Variants in NEK1 observed in about 807,000 individuals in gnomAD.
The protein encoded by NEK1 is serine/threonine-protein kinase Nek1.
A neutral mutation model predicts 182.1 loss-of-function variants in NEK1; 137 were observed. That is an observed-to-expected ratio of 0.75 (90% CI 0.65 to 0.87). NEK1 has a LOEUF of 0.87. Ranked by LOEUF, NEK1 falls within the 40% of genes least tolerant of loss-of-function variation. NEK1 has a pLI of 0.00. For missense variants in NEK1, 1,391 were observed against 1,494.4 expected, an observed-to-expected ratio of 0.93 and a Z score of 1.14; for synonymous variants, 513 against 492.2, an observed-to-expected ratio of 1.04 and a Z score of -0.56.
At chr4:169,529,511 G>A (rs1252300813) in intron 19 of NEK1, among the ~76,000 whole-genome samples, 1 of 152,124 alleles carries the variant, frequency 6.6e-6, no homozygotes, top group Non-Finnish European at 1.5e-5. Flanking sequence ...CTTCATGATT[G>A]TTGGATAAGC....
intron 12 of NEK1, among the ~76,000 whole-genome samples, chr4:169,572,442 T>C (rs1037765403): frequency 6.6e-6 from 1 of 152,156 alleles, no homozygotes; most frequent in Non-Finnish European, 1.5e-5. Context: ...TTTTTATATA[T>C]GGTAATTTTG....
chr4:169,577,189 T>C (rs906649193), intron 11 of NEK1, 110 bp from the exon 12 acceptor site: 97 of 1,032,684 alleles, frequency 9.4e-5, no homozygotes, highest in Non-Finnish European at 1.2e-4. Flanking sequence ...TGATAGTATT[T>C]TAAACTTTCT....
intron 32 of NEK1, among the ~76,000 whole-genome samples, chr4:169,403,944 A>G (rs562525678): frequency 6.6e-6 from 1 of 152,352 alleles, no homozygotes; most frequent in South Asian, 2.1e-4. Context: ...GAAATAACGT[A>G]CTTTAAAAAC....
At chr4:169,487,364 T>C (rs1421462273) in intron 23 of NEK1, among the ~76,000 whole-genome samples, 1 of 152,154 alleles carries the variant, frequency 6.6e-6, no homozygotes, top group African/African-American at 2.4e-5. Context: ...ACCAATGTGT[T>C]CATGTATTCT....
intron 26 of NEK1, among the ~76,000 whole-genome samples, chr4:169,469,805 T>A (rs1249238195): frequency 6.6e-6 from 1 of 152,174 alleles, no homozygotes; most frequent in African/African-American, 2.4e-5. Flanking sequence ...GGTGCTCTTG[T>A]ATTGGGTGCA....
At chr4:169,566,296 T>A (rs1763665639) in intron 12 of NEK1, among the ~76,000 whole-genome samples, 1 of 152,182 alleles carries the variant, frequency 6.6e-6, no homozygotes, top group Admixed American at 6.5e-5. Context: ...TCATATTGCC[T>A]TACATATAAG....
intron 28 of NEK1, among the ~76,000 whole-genome samples, chr4:169,434,647 A>G (rs1561181207): frequency 6.6e-6 from 1 of 152,166 alleles, no homozygotes; most frequent in Non-Finnish European, 1.5e-5. Context: ...TCCAATTAAG[A>G]TTATCAATAA....
chr4:169,529,201 C>T (rs987105538), intron 19 of NEK1, among the ~76,000 whole-genome samples: 1 of 152,014 alleles, frequency 6.6e-6, no homozygotes, highest in African/African-American at 2.4e-5. Context: ...TAAGTTGCTA[C>T]CTCAAAAAAC....
rs200006056 is a variant in NEK1, at chr4:169,472,166, C to CAA, written c.2434+4956_2434+4957dup. Reference sequence around the variant, plus strand: ...CCAGGTGCCACTGAGGTACAAAAAACAAAAAAAACAAAAAAAAACAAAAAA... The same window carrying CAA: ...CCAGGTGCCACTGAGGTACAAAAAACAAAAAAAAAACAAAAAAAAACAAAAAA... On this transcript the variant is annotated intron_variant, in intron 26 of 35. Transcript: ENST00000507142. 7.3e-5 allele frequency among the ~76,000 whole-genome samples: 11 copies of CAA among 150,220 alleles called. No individual in the cohort carries two copies. The East Asian group carries it at 2.2e-3, about 30-fold the overall frequency.
At chr4:169,548,121 G>T (rs1259205708) in intron 18 of NEK1, among the ~76,000 whole-genome samples, 1 of 152,126 alleles carries the variant, frequency 6.6e-6, no homozygotes, top group Non-Finnish European at 1.5e-5. Context: ...ATCCACCTTT[G>T]GTCTCTGAAG....
chr4:169,521,420 A>G (rs1220722805), intron 19 of NEK1, among the ~76,000 whole-genome samples: 2 of 147,538 alleles, frequency 1.4e-5, no homozygotes, highest in Non-Finnish European at 3.0e-5. Flanking sequence ...CTCCCTAGTG[A>G]GATGAACCCG....
At chr4:169,429,690 G>A (rs756343943) in intron 29 of NEK1, among the ~76,000 whole-genome samples, 4 of 152,048 alleles carry the variant, frequency 2.6e-5, no homozygotes, top group Non-Finnish European at 4.4e-5. Context: ...TCTCCACTAA[G>A]TTAGTCTCTC....
chr4:169,460,667 A>C (rs1579853110), intron 27 of NEK1, among the ~76,000 whole-genome samples: 2 of 152,316 alleles, frequency 1.3e-5, no homozygotes, highest in Non-Finnish European at 2.9e-5. Context: ...TTGGACTTTA[A>C]GTAAAAAGAA....
rs548684736 is a variant in NEK1 at position 169,531,465 on chromosome 4, ATATATGTAT to A, written c.1665+6335_1665+6343del. 4.7e-3 allele frequency among the ~76,000 whole-genome samples: 716 copies of A among 151,432 alleles called. 7 individuals are homozygous for A. The highest frequency in any genetic ancestry group is 7.3e-3 in the Admixed American group (111 of 15,176). On this transcript the variant is annotated intron_variant, in intron 19 of 35. Transcript: ENST00000507142. Reference sequence around the variant, plus strand: ...ATTTGAAAATATATATACTACATACATATATGTATTACATATATATTATGTATACATATA... The same window carrying A: ...ATTTGAAAATATATATACTACATACATACATATATATTATGTATACATATA...
intron 31 of NEK1, among the ~76,000 whole-genome samples, chr4:169,416,854 G>A (rs768398609): frequency 5.9e-5 from 9 of 152,256 alleles, no homozygotes; most frequent in Admixed American, 2.0e-4. Context: ...GCAGTGAGCC[G>A]TGATTGCACC....
chr4:169,570,780 T>G (rs550357877), intron 12 of NEK1, among the ~76,000 whole-genome samples: 15 of 152,322 alleles, frequency 9.8e-5, no homozygotes, highest in Admixed American at 9.8e-4. Context: ...ATGGTTGCCG[T>G]GTCTGTGTAG....
intron 23 of NEK1, among the ~76,000 whole-genome samples, chr4:169,488,102 A>T (rs1749374704): frequency 1.3e-5 from 2 of 151,502 alleles, no homozygotes; most frequent in Non-Finnish European, 2.9e-5. Flanking sequence ...GATTGCAAAA[A>T]TTTTCTCCCA....
intron 32 of NEK1, among the ~76,000 whole-genome samples, chr4:169,405,566 G>A (rs1732446047): frequency 6.6e-6 from 1 of 152,152 alleles, no homozygotes; most frequent in African/African-American, 2.4e-5. Flanking sequence ...AGAGTGAAGT[G>A]GAAAGATTGC....
At chr4:169,555,608 ACAT>A in intron 18 of NEK1, 109 bp downstream of exon 18, 2 of 1,434,844 alleles carry the variant, frequency 1.4e-6, no homozygotes, top group Non-Finnish European at 2.0e-6. Flanking sequence ...GAGGCAAAAA[ACAT>A]CATATGTGAA....
Sources: allele counts gnomAD v4.1 joint callset (sites outside exome capture counted in the v4.1 genomes callset), GRCh38; gene constraint gnomAD v4.1.1; transcripts MANE v1.5; gene names NCBI Gene and HGNC (gene_info 2026-07-23, HGNC 2026-07-21).